Variants in RFX8 observed in about 807,000 individuals in gnomAD.
RFX8 encodes the protein DNA-binding protein RFX8.
In RFX8, 46 loss-of-function variants were observed where a neutral mutation model predicts 54.6. That is an observed-to-expected ratio of 0.84 (90% confidence interval 0.67 to 1.08). The LOEUF (loss-of-function observed/expected upper bound fraction) is 1.08. Ranked by LOEUF, RFX8 falls within the 50% of genes least tolerant of loss-of-function variation. RFX8 has a pLI of 0.00. For synonymous variants in RFX8, 192 were observed against 209.5 expected (o/e 0.92, Z 0.72); for missense variants, 536 against 562.3 (o/e 0.95, Z 0.47).
chr2:101,473,700 G>A (rs1690136463), intron 1 of RFX8, among the ~76,000 whole-genome samples: 1 of 152,166 alleles, frequency 6.6e-6, no homozygotes, highest in African/African-American at 2.4e-5. Flanking sequence ...TCAGTCCCAA[G>A]GGCTGAGGAT....
chr2:101,433,525 A>C (rs964303099), intron 2 of RFX8, among the ~76,000 whole-genome samples: 1 of 152,256 alleles, frequency 6.6e-6, no homozygotes, highest in African/African-American at 2.4e-5. Flanking sequence ...AATTTTTCCC[A>C]TAAAATCTTT....
At chr2:101,472,463 C>T (rs939139617) in intron 1 of RFX8, among the ~76,000 whole-genome samples, 9 of 152,194 alleles carry the variant, frequency 5.9e-5, no homozygotes, top group South Asian at 2.1e-4. Flanking sequence ...AAGTCCTCCC[C>T]AATGAAAAGG....
In RFX8 at chr2:101,418,923, TTGC is replaced by T; in HGVS notation, c.276_278del (p.Gln93del). 4 of 1,551,266 alleles carry T rather than the reference TTGC, an allele frequency of 2.6e-6. No individual in the cohort carries two copies. Among genetic ancestry groups the T allele is most frequent in the Non-Finnish European group, 3.5e-6 (4 of 1,146,632 alleles). On this transcript the variant is annotated inframe_deletion, in exon 5 of 12. Coordinates refer to ENST00000428343, the MANE Select transcript of RFX8 (RefSeq NM_001145664.2). ...GCAATGACATCAGCATGACTGTGTC[TTGC>T]TGCAGAGACTTCCAGAAGGAAGTAA...
At chr2:101,401,501 A>G (rs1241474165) in intron 11 of RFX8, among the ~76,000 whole-genome samples, 2 of 152,150 alleles carry the variant, frequency 1.3e-5, no homozygotes, top group East Asian at 1.9e-4. Context: ...TCAATTTCCT[A>G]CTAAGCACAA....
intron 9 of RFX8, among the ~76,000 whole-genome samples, chr2:101,410,204 TAC>T (rs1280258689): frequency 6.6e-6 from 1 of 151,154 alleles, no homozygotes; most frequent in Non-Finnish European, 1.5e-5. Flanking sequence ...TGCTCACCTG[TAC>T]ACACACTCAT....
intron 9 of RFX8, 67 bp downstream of exon 9, chr2:101,410,552 G>T: frequency 1.2e-6 from 1 of 800,816 alleles, no homozygotes; most frequent in Non-Finnish European, 2.0e-6. Flanking sequence ...CATCCCTTAG[G>T]CAATGGGCAC....
chr2:101,447,550 A>G (rs1688457708), intron 2 of RFX8, among the ~76,000 whole-genome samples: 2 of 152,226 alleles, frequency 1.3e-5, no homozygotes, highest in Admixed American at 1.3e-4. Flanking sequence ...ATTGTGATAC[A>G]TGCATCAGGG....
chr2:101,428,931 G>A, intron 2 of RFX8: 2 of 1,439,204 alleles, frequency 1.4e-6, no homozygotes, highest in Non-Finnish European at 1.9e-6. Context: ...GTCTGTTATA[G>A]TAAATCTGTT....
chr2:101,398,722 T>C (rs1232917853), intron 11 of RFX8, among the ~76,000 whole-genome samples: 1 of 152,096 alleles, frequency 6.6e-6, no homozygotes, highest in East Asian at 1.9e-4. Flanking sequence ...CTCCCTTAGC[T>C]CCAGGAAACT....
Position 101,452,256 on chromosome 2 carries a change from AT to A in RFX8, c.72+14520del, listed in dbSNP as rs1201452220. On this transcript the variant is annotated intron_variant, in intron 2 of 11. Transcript: ENST00000428343. ...TTTCAGGCACTGGGAATTAATGCGA[AT>A]TGTGGACACTCTTTGGTAAGAGTTG... The A allele has an allele frequency of 2.0e-5, 10 of 511,570 alleles. 1 individual carries two copies. The highest frequency in any genetic ancestry group is 1.4e-4 in the African/African-American group (7 of 49,876). 31.7% of individuals were successfully genotyped at this position (511,570 alleles called of 1,614,324 possible).
chr2:101,474,458 G>A (rs1690197952), intron 1 of RFX8, 178 bp downstream of exon 1: 1 of 357,082 alleles, frequency 2.8e-6, no homozygotes, highest in Non-Finnish European at 5.0e-6. Context: ...GGCGCGGAAG[G>A]CGCGCGGCGA....
At chr2:101,417,501 A>T in intron 6 of RFX8, 33 bp downstream of exon 6, 1 of 1,531,222 alleles carries the variant, frequency 6.5e-7, no homozygotes, top group Non-Finnish European at 8.8e-7. Flanking sequence ...CCACTGTGCC[A>T]GCCCAGAATT....
Position 101,402,696 on chromosome 2 carries a change from A to T in RFX8, c.985T>A (p.Ser329Thr). 6.4e-7 allele frequency: 1 copy of T among 1,554,058 alleles called. No individual in the cohort carries two copies. ...TCCTCCTCTTCCTCCTCTAGGCATG[A>T]CTGAAGTATATGAATCATATATTCC... Reference protein sequence around the residue: ...LLEYMIHILQSCLEEEEEEED... With the variant: ...LLEYMIHILQTCLEEEEEEED... Residue 329 changes from serine (S) to threonine (T), a missense_variant, in exon 11 of 12, where the codon TCA becomes ACA. Transcript: ENST00000428343.
intron 10 of RFX8, among the ~76,000 whole-genome samples, chr2:101,403,223 A>C (rs190997272): frequency 1.3e-5 from 2 of 152,042 alleles, no homozygotes; most frequent in Admixed American, 6.5e-5. Flanking sequence ...CTGTGGCTGC[A>C]GCTCTTTGTG....
At chr2:101,423,566 A>AT (rs1401999057) in intron 2 of RFX8, among the ~76,000 whole-genome samples, 1 of 152,104 alleles carries the variant, frequency 6.6e-6, no homozygotes, top group African/African-American at 2.4e-5. Context: ...GTGACTTTTC[A>AT]TTTTCTCTCA....
chr2:101,464,195 G>A (rs1157137543), intron 2 of RFX8, among the ~76,000 whole-genome samples: 4 of 152,212 alleles, frequency 2.6e-5, no homozygotes, highest in Non-Finnish European at 5.9e-5. Context: ...TATATCTCTG[G>A]ACAGGGAAGT....
At chr2:101,419,513 C>G (rs1686734347) in intron 4 of RFX8, among the ~76,000 whole-genome samples, 1 of 152,232 alleles carries the variant, frequency 6.6e-6, no homozygotes, top group African/African-American at 2.4e-5. Flanking sequence ...AATGGCGGCT[C>G]CTCTTTTCTG....
Position 101,402,512 on chromosome 2 carries a change from C to T in RFX8, c.1169G>A (p.Gly390Asp), listed in dbSNP as rs929409390. ...GTTGCTCACACCCACGGGATATCGG[C>T]CCTGGCCCATGTGTGTGGGCATCAC... ...LGVMPTHMGQGRYPVGVSNMV... is the reference protein window; with the variant it reads ...LGVMPTHMGQDRYPVGVSNMV... The change falls in exon 11 of 12, where the codon GGC becomes GAC. Residue 390 changes from glycine to aspartate, a missense_variant. Gly to Asp is a moderately conservative substitution (Grantham distance 94). Coordinates refer to ENST00000428343, the MANE Select transcript of RFX8 (RefSeq NM_001145664.2). The T allele has an allele frequency of 6.4e-7, 1 of 1,551,804 alleles. No homozygotes were observed. The highest frequency in any genetic ancestry group is 8.7e-7 in the Non-Finnish European group (1 of 1,147,022).
chr2:101,465,817 G>A lies in RFX8; in HGVS notation c.72+960C>T, dbSNP rs1689543903. Among the ~76,000 whole-genome samples the A allele has an allele frequency of 2.0e-5, 3 of 152,156 alleles. No homozygotes were observed. The South Asian group carries it at 6.2e-4, about 32-fold the overall frequency. ...CAACAGTAGCCAAAAAAAGGTAAGC[G>A]CTCTTGACCTTTGAGCACATCTGAG... On this transcript the variant is annotated intron_variant, in intron 2 of 11. Coordinates refer to ENST00000428343, the MANE Select transcript of RFX8 (RefSeq NM_001145664.2).
Sources: allele counts gnomAD v4.1 joint callset (sites outside exome capture counted in the v4.1 genomes callset), GRCh38; gene constraint gnomAD v4.1.1; transcripts MANE v1.5; gene names NCBI Gene and HGNC (gene_info 2026-07-23, HGNC 2026-07-21).